The following HERC1 variants were observed in gnomAD, a reference collection of about 807,000 sequenced individuals.
HERC1 encodes the protein HECT and RLD domain containing E3 ubiquitin protein ligase family member 1.
Under a neutral mutation model 554.3 loss-of-function variants are expected in HERC1, and 160 were observed. That is an observed-to-expected ratio of 0.29 (90% confidence interval 0.25 to 0.33). The LOEUF (loss-of-function observed/expected upper bound fraction) is 0.33, where lower values mean the gene tolerates loss of function less well. Among genes scored for constraint, HERC1 ranks in the 10% least tolerant of loss-of-function variants. HERC1 has a pLI of 1.00. For synonymous variants in HERC1, 2,175 were observed against 2,131.7 expected, an observed-to-expected ratio of 1.02 and a Z score of -0.56; for missense variants, 4,919 against 5,918.5, an observed-to-expected ratio of 0.83 and a Z score of 5.54.
chr15:63,831,841 A>AAG (rs1244382206), intron 1 of HERC1, among the ~76,000 whole-genome samples: 1 of 152,268 alleles, frequency 6.6e-6, no homozygotes, highest in Non-Finnish European at 1.5e-5. Context: ...TAAGCAGATT[A>AAG]AGTGACGCAT....
At chr15:63,714,375 A>G (rs2073440646) in intron 22 of HERC1, among the ~76,000 whole-genome samples, 2 of 152,122 alleles carry the variant, frequency 1.3e-5, no homozygotes, top group Non-Finnish European at 2.9e-5. Context: ...ATATGGGGCA[A>G]GATTGCCTCC....
At chr15:63,780,818 G>T (rs1042612220) in intron 1 of HERC1, among the ~76,000 whole-genome samples, 2 of 151,752 alleles carry the variant, frequency 1.3e-5, no homozygotes, top group African/African-American at 4.8e-5. Flanking sequence ...AAAACCAAAA[G>T]ATAAAGACTG....
intron 48 of HERC1, among the ~76,000 whole-genome samples, chr15:63,656,674 G>A (rs534276320): frequency 3.9e-5 from 6 of 152,304 alleles, no homozygotes; most frequent in African/African-American, 1.4e-4. Flanking sequence ...TCAAGAAACA[G>A]AACATTGCCA....
At chr15:63,743,895 T>C (rs1404777529) in intron 12 of HERC1, among the ~76,000 whole-genome samples, 1 of 152,226 alleles carries the variant, frequency 6.6e-6, no homozygotes, top group African/African-American at 2.4e-5. Context: ...GTATTTATTG[T>C]AGTCTTCACT....
At chr15:63,828,854 A>G (rs1212822812) in intron 1 of HERC1, among the ~76,000 whole-genome samples, 1 of 152,220 alleles carries the variant, frequency 6.6e-6, no homozygotes, top group African/African-American at 2.4e-5. Context: ...GTAACTTTGG[A>G]AAACTATTTT....
chr15:63,800,087 A>C (rs1181046913), intron 1 of HERC1, among the ~76,000 whole-genome samples: 2 of 152,180 alleles, frequency 1.3e-5, no homozygotes, highest in Non-Finnish European at 2.9e-5. Flanking sequence ...GTGAGCTGTG[A>C]TCATGCCACT....
At chr15:63,711,549 G>C (rs2073294683) in intron 24 of HERC1, among the ~76,000 whole-genome samples, 1 of 152,172 alleles carries the variant, frequency 6.6e-6, no homozygotes, top group Admixed American at 6.5e-5. Flanking sequence ...ACTTTCCTTA[G>C]ATGAGGAATC....
At position 63,693,998 on chromosome 15, in the gene HERC1, G is replaced by C. The variant is rs777231240; in HGVS notation, c.5640C>G (p.Asp1880Glu). ...CTTTCTTCTCAGTTTCTCCACTGGA[G>C]TCAACTTTTTTTTCTTCTTCTTCAC... ...EDGEEEEKKV[D>E]SSGETEKKDF... is the part of the protein sequence containing the mutation. Residue 1880 changes from aspartate to glutamate, a missense_variant, in exon 30 of 78, where the codon GAC becomes GAG. By Grantham distance (45) the Asp-to-Glu change is conservative (BLOSUM62 2). This residue lies in a region of HERC1 where 1,121 missense variants were observed against 1,244.0 expected (regional missense o/e 0.90). Transcript: ENST00000443617. 9.0e-6 allele frequency: 14 copies of C among 1,558,530 alleles called. No individual in the cohort carries two copies. In the Admixed American group the frequency reaches 2.5e-4, roughly 28 times the overall value.
intron 17 of HERC1, among the ~76,000 whole-genome samples, chr15:63,726,723 T>C (rs976577454): frequency 1.4e-4 from 22 of 152,148 alleles, no homozygotes; most frequent in Admixed American, 1.4e-3. Context: ...CAGGGCCAGA[T>C]AGTTTCACAG....
chr15:63,710,812 T>A (rs2073254435), intron 24 of HERC1, among the ~76,000 whole-genome samples: 1 of 152,212 alleles, frequency 6.6e-6, no homozygotes, highest in African/African-American at 2.4e-5. Flanking sequence ...AACAGCCAGT[T>A]AAGGCCCTAA....
chr15:63,643,137 C>A lies in HERC1; in HGVS notation c.11332-79G>T, dbSNP rs868593129. ...CATTTAAATTTCTATTTCACATTGA[C>A]AAAAACATATTCTAAAGTCTACATT... On this transcript the variant is annotated intron_variant, in intron 58 of 77. Transcript: ENST00000443617. 3.8e-6 allele frequency: 4 copies of A among 1,039,602 alleles called. No homozygotes were observed. The Middle Eastern group carries it at 6.1e-4, about 158-fold the overall frequency. 64.4% of individuals were successfully genotyped at this position (1,039,602 alleles called of 1,614,324 possible).
chr15:63,642,995 G>A lies in HERC1; in HGVS notation c.11395C>T (p.Pro3799Ser). The change falls in exon 59 of 78, where the codon CCA becomes TCA. Residue 3799 changes from proline to serine, a missense_variant. By Grantham distance (74) the Pro-to-Ser change is moderately conservative (BLOSUM62 -1). This residue lies in a region of HERC1 where 1,963 missense variants were observed against 2,228.6 expected (regional missense o/e 0.88). Coordinates refer to ENST00000443617, the MANE Select transcript of HERC1 (RefSeq NM_003922.4). Reference protein sequence around the residue: ...SGAIQTTVWIPEVGVAACSNR... With the variant: ...SGAIQTTVWISEVGVAACSNR... ...GAGCAAGCAGCTACTCCAACTTCTG[G>A]AATCCATACTGTGGTCTGAATAGCT... 6.2e-7 allele frequency: 1 copy of A among 1,612,650 alleles called. No homozygotes were observed. The highest frequency in any genetic ancestry group is 8.5e-7 in the Non-Finnish European group (1 of 1,178,978).
At chr15:63,755,103 C>T in intron 6 of HERC1, 126 bp downstream of exon 6, 2 of 667,806 alleles carry the variant, frequency 3.0e-6, no homozygotes, top group Non-Finnish European at 5.2e-6. Flanking sequence ...AATTATCTTC[C>T]TCTGAGCTTA....
intron 42 of HERC1, 56 bp downstream of exon 42, chr15:63,665,863 A>G (rs1386000255): frequency 2.6e-5 from 33 of 1,283,460 alleles, no homozygotes; most frequent in South Asian, 5.2e-5. Context: ...TATATAATAA[A>G]TGGGGCTTTG....
At chr15:63,733,956 A>T (rs929598608) in intron 13 of HERC1, among the ~76,000 whole-genome samples, 22 of 152,318 alleles carry the variant, frequency 1.4e-4, no homozygotes, top group Middle Eastern at 6.8e-3. Flanking sequence ...TGAGGCCAGG[A>T]GTTCAAGAAC....
chr15:63,781,363 T>A (rs565389101), intron 1 of HERC1, among the ~76,000 whole-genome samples: 2 of 152,358 alleles, frequency 1.3e-5, no homozygotes, highest in East Asian at 3.9e-4. Flanking sequence ...TTTCCAAAAG[T>A]ACGTGTTCAC....
At chr15:63,747,352 C>G (rs2075093026) in intron 11 of HERC1, among the ~76,000 whole-genome samples, 1 of 151,950 alleles carries the variant, frequency 6.6e-6, no homozygotes, top group African/African-American at 2.4e-5. Context: ...CCCAGCTACT[C>G]AGAAGGCTGA....
intron 1 of HERC1, among the ~76,000 whole-genome samples, chr15:63,798,547 C>CA (rs368821834): frequency 0.041 from 2,595 of 62,894 alleles, 41 homozygotes; most frequent in African/African-American, 0.086. Flanking sequence ...TCAAACTTTA[C>CA]AAAAAAAAAA....
At chr15:63,619,477 C>T (rs1264113782) in intron 74 of HERC1, among the ~76,000 whole-genome samples, 2 of 152,090 alleles carry the variant, frequency 1.3e-5, no homozygotes, top group Non-Finnish European at 2.9e-5. Context: ...TGTGTCTCTG[C>T]CAGGCTTTGG....
Sources: gnomAD v4.1 joint callset for allele counts (sites outside exome capture counted in the v4.1 genomes callset) on GRCh38, gnomAD v4.1.1 for gene constraint, gnomAD v4.1.1 regional missense constraint, MANE v1.5 for transcripts, NCBI Gene and HGNC (gene_info 2026-07-23, HGNC 2026-07-21) for gene names.